KAT2B: variants seen among roughly 807,000 people sequenced by gnomAD.
KAT2B encodes histone acetyltransferase KAT2B.
A neutral mutation model predicts 105.9 loss-of-function variants in KAT2B; 36 were observed. The ratio of observed to expected loss-of-function variants is 0.34; its 90% confidence interval spans 0.26 to 0.45. The LOEUF is 0.45. KAT2B is among the 20% of genes least tolerant of loss of function. KAT2B has a pLI of 1.00. For missense variants in KAT2B, 820 were observed against 1,021.6 expected (o/e 0.80, Z 2.69); for synonymous variants, 397 against 377.9 (o/e 1.05, Z -0.59).
At chr3:20,135,384 G>A (rs1273942817) in intron 11 of KAT2B, among the ~76,000 whole-genome samples, 1 of 152,286 alleles carries the variant, frequency 6.6e-6, no homozygotes, top group Admixed American at 6.5e-5. Context: ...GCCGGGCGCG[G>A]TGGCTCACGC....
At chr3:20,062,171 T>C (rs1308599271) in intron 1 of KAT2B, among the ~76,000 whole-genome samples, 2 of 72,422 alleles carry the variant, frequency 2.8e-5, no homozygotes, top group Non-Finnish European at 4.8e-5. Context: ...ATATAATATA[T>C]ATAATATATA....
At chr3:20,054,847 C>A (rs1422561552) in intron 1 of KAT2B, among the ~76,000 whole-genome samples, 1 of 152,188 alleles carries the variant, frequency 6.6e-6, no homozygotes, top group African/African-American at 2.4e-5. Flanking sequence ...CCTGACTCAT[C>A]CCACCTCGAA....
At chr3:20,067,154 A>G (rs1180027583) in intron 1 of KAT2B, among the ~76,000 whole-genome samples, 1 of 152,198 alleles carries the variant, frequency 6.6e-6, no homozygotes, top group Non-Finnish European at 1.5e-5. Flanking sequence ...ATAAAAATAT[A>G]CTTTGTACTG....
At position 20,106,102 on chromosome 3, in the gene KAT2B, A is replaced by G. The variant is rs531815810; in HGVS notation, c.851+4634A>G. 2.0e-5 allele frequency among the ~76,000 whole-genome samples: 3 copies of G among 152,328 alleles called. No homozygotes were observed. The South Asian group carries it at 6.2e-4, about 32-fold the overall frequency. ...TATTCCTGAAAACCACAGGATTTTCAGTTCAGCAAGTCAGTAGAATGACAT... is the reference window on the plus strand; with the variant it reads ...TATTCCTGAAAACCACAGGATTTTCGGTTCAGCAAGTCAGTAGAATGACAT... On this transcript the variant is annotated intron_variant, in intron 5 of 17. Transcript: ENST00000263754.
chr3:20,131,483 A>G (rs911240106), intron 11 of KAT2B, among the ~76,000 whole-genome samples: 1 of 152,230 alleles, frequency 6.6e-6, no homozygotes, highest in African/African-American at 2.4e-5. Flanking sequence ...CTTCTTCAAT[A>G]TGGAGTAAAA....
At chr3:20,151,632 A>G (rs2125202469) in intron 17 of KAT2B, among the ~76,000 whole-genome samples, 1 of 152,282 alleles carries the variant, frequency 6.6e-6, no homozygotes, top group African/African-American at 2.4e-5. Flanking sequence ...CTTTAGTTTT[A>G]TCAGTTTAGA....
chr3:20,120,889 A>T lies in KAT2B; in HGVS notation c.1276+1166A>T, dbSNP rs11915701. Among the ~76,000 whole-genome samples the T allele has an allele frequency of 9.0e-3, 1,366 of 152,242 alleles. 17 individuals are homozygous for T. The highest frequency in any genetic ancestry group is 0.025 in the African/African-American group (1,036 of 41,560). On this transcript the variant is annotated intron_variant, in intron 8 of 17. Coordinates refer to ENST00000263754, the MANE Select transcript of KAT2B (RefSeq NM_003884.5). ...ATATAAGAAGTGCCATATATTTAGC[A>T]TATGCCACCATTCCCTTTCACTTCC...
rs111852115 is a variant in KAT2B at position 20,126,776 on chromosome 3, C to T, written c.1623-647C>T. Among the ~76,000 whole-genome samples the T allele has an allele frequency of 1.4e-3, 199 of 142,578 alleles. 2 individuals carry two copies. The highest frequency in any genetic ancestry group is 4.8e-3 in the African/African-American group (185 of 38,522). The allele number at this position is 142,578 out of a possible 152,430, so 93.5% of individuals were successfully genotyped here. ...GGCGGAGGTTGTGGTGAGCCGAGAC[C>T]GTGCCATTGCACTCCAGCCTGGGCA... On this transcript the variant is annotated intron_variant, in intron 10 of 17. Transcript: ENST00000263754.
In KAT2B at chr3:20,083,010, A is replaced by G. The variant is rs1347540584; in HGVS notation, c.430+10551A>G. On this transcript the variant is annotated intron_variant, in intron 2 of 17. Coordinates refer to ENST00000263754, the MANE Select transcript of KAT2B (RefSeq NM_003884.5). ...ATCAAAACAGTAGGGGGTGCTTATTAATTTTCAAAAGATTGGTTAAATTAC... is the reference window on the plus strand; with the variant it reads ...ATCAAAACAGTAGGGGGTGCTTATTGATTTTCAAAAGATTGGTTAAATTAC... Among the ~76,000 whole-genome samples the G allele has an allele frequency of 2.6e-5, 4 of 152,178 alleles. No individual in the cohort carries two copies. The East Asian group carries it at 7.7e-4, about 29-fold the overall frequency.
rs544664839 is a variant in KAT2B at position 20,133,752 on chromosome 3, G to A, written c.1750-3190G>A. On this transcript the variant is annotated intron_variant, in intron 11 of 17. Transcript: ENST00000263754. ...CTCCCAGTTTACATTTTTCACCAGTGGTGTTGGAGAGAATAGTTCCCCCTA... is the reference window on the plus strand; with the variant it reads ...CTCCCAGTTTACATTTTTCACCAGTAGTGTTGGAGAGAATAGTTCCCCCTA... Among the ~76,000 whole-genome samples, 27 of 152,230 alleles carry A rather than the reference G, an allele frequency of 1.8e-4. No homozygotes were observed. In the East Asian group the frequency reaches 5.2e-3, roughly 29 times the overall value.
At chr3:20,125,787 C>A in intron 9 of KAT2B, 118 bp from the exon 10 acceptor site, 1 of 798,946 alleles carries the variant, frequency 1.3e-6, no homozygotes, top group Non-Finnish European at 2.1e-6. Flanking sequence ...ATTTAGGACT[C>A]TGAAAATCCA....
At chr3:20,046,156 G>A (rs1430832420) in intron 1 of KAT2B, among the ~76,000 whole-genome samples, 1 of 152,212 alleles carries the variant, frequency 6.6e-6, no homozygotes, top group African/African-American at 2.4e-5. Context: ...AAACGGAATT[G>A]CCTGGTGCTT....
At chr3:20,042,236 A>G (rs1697732623) in intron 1 of KAT2B, among the ~76,000 whole-genome samples, 1 of 152,200 alleles carries the variant, frequency 6.6e-6, no homozygotes, top group South Asian at 2.1e-4. Context: ...GTCCCCTTTG[A>G]TTTTAGCAGA....
At chr3:20,048,744 G>A (rs1297282681) in intron 1 of KAT2B, among the ~76,000 whole-genome samples, 2 of 152,180 alleles carry the variant, frequency 1.3e-5, no homozygotes, top group Admixed American at 1.3e-4. Flanking sequence ...CTTGCATGCT[G>A]CTTTTCTGCT....
At chr3:20,145,304 A>G (rs1699765293) in intron 13 of KAT2B, among the ~76,000 whole-genome samples, 1 of 152,158 alleles carries the variant, frequency 6.6e-6, no homozygotes, top group Non-Finnish European at 1.5e-5. Flanking sequence ...TTATGTCTCT[A>G]TTGGACAGCA....
intron 1 of KAT2B, among the ~76,000 whole-genome samples, chr3:20,044,257 G>T (rs1697767499): frequency 6.6e-6 from 1 of 151,696 alleles, no homozygotes; most frequent in Non-Finnish European, 1.5e-5. Flanking sequence ...GAGGCGGGAG[G>T]ATCACTTGAG....
chr3:20,147,867 C>T, intron 14 of KAT2B, 96 bp from the exon 15 acceptor site: 1 of 1,129,964 alleles, frequency 8.8e-7, no homozygotes. Context: ...CTTTTATTGT[C>T]ATGCCTATAA....
chr3:20,084,409 C>T (rs1698577661), intron 2 of KAT2B, among the ~76,000 whole-genome samples: 1 of 152,138 alleles, frequency 6.6e-6, no homozygotes, highest in Non-Finnish European at 1.5e-5. Context: ...CTATCCTCTT[C>T]TGCTATGAAA....
chr3:20,150,867 C>T (rs1318737498), intron 17 of KAT2B, among the ~76,000 whole-genome samples: 2 of 140,842 alleles, frequency 1.4e-5, no homozygotes, highest in Non-Finnish European at 3.1e-5. Flanking sequence ...CATCCTTTTA[C>T]TCCCCCTCCC....
Sources: gnomAD v4.1 joint callset for allele counts (sites outside exome capture counted in the v4.1 genomes callset) on GRCh38, gnomAD v4.1.1 for gene constraint, MANE v1.5 for transcripts, NCBI Gene and HGNC (gene_info 2026-07-23, HGNC 2026-07-21) for gene names.